Variants in ADGRD1 observed in about 807,000 individuals in gnomAD.
ADGRD1 encodes adhesion G protein-coupled receptor D1.
A neutral mutation model predicts 113.4 loss-of-function variants in ADGRD1; 77 were observed. The ratio of observed to expected loss-of-function variants is 0.68; its 90% CI spans 0.57 to 0.82. ADGRD1 has a LOEUF of 0.82. Ranked by LOEUF, ADGRD1 falls within the 40% of genes least tolerant of loss-of-function variation. ADGRD1 has a pLI of 0.00. For synonymous variants in ADGRD1, 474 were observed against 475.0 expected (o/e 1.00, Z 0.03); for missense variants, 1,036 against 1,139.1 (o/e 0.91, Z 1.30).
Position 131,003,810 on chromosome 12 carries a change from T to A in ADGRD1, c.1145-376T>A, listed in dbSNP as rs1876710743. 6.6e-6 allele frequency among the ~76,000 whole-genome samples: 1 copy of A among 152,212 alleles called. No homozygotes were observed. The highest frequency in any genetic ancestry group is 2.4e-5 in the African/African-American group (1 of 41,458). On this transcript the variant is annotated intron_variant, in intron 10 of 24. Transcript: ENST00000261654. This position sits in a 1 kb window ranked among gnomAD's most constrained non-coding sequence, Gnocchi z 4.8. ...GCTGAAGCTACAGGGGTTAGTTTAG[T>A]CGCAGTTTGTTGGCCGTGTTGCCCT...
At chr12:130,967,768 G>A (rs976748071) in intron 3 of ADGRD1, 8 of 152,290 alleles carry the variant, frequency 5.3e-5, no homozygotes, top group Admixed American at 1.3e-4. Context: ...GGGCACCTGC[G>A]TGGGTGCCAC....
Position 131,084,111 on chromosome 12 carries a change from C to T in ADGRD1, c.1548-429C>T, listed in dbSNP as rs995769974. The stretch of plus-strand genomic sequence containing the variant: ...CCACACTGCACTCACCCGTTTCCCC[C>T]GATGGGCATTTATGTTACCGTCACT... On this transcript the variant is annotated intron_variant, in intron 14 of 24. Coordinates refer to ENST00000261654, the MANE Select transcript of ADGRD1 (RefSeq NM_198827.5). This position sits in a 1 kb window ranked among gnomAD's most constrained non-coding sequence, Gnocchi z 4.5. Among the ~76,000 whole-genome samples, 10 of 152,164 alleles carry T rather than the reference C, an allele frequency of 6.6e-5. No individual in the cohort carries two copies. Among genetic ancestry groups the T allele is most frequent in the African/African-American group, 2.2e-4 (9 of 41,436 alleles).
At chr12:131,127,433 A>C (rs556501466) in intron 20 of ADGRD1, among the ~76,000 whole-genome samples, 1 of 152,388 alleles carries the variant, frequency 6.6e-6, no homozygotes, top group South Asian at 2.1e-4. Flanking sequence ...CTCCAGAGGC[A>C]AAGCAGGAGT....
rs1163112574 is a variant in ADGRD1, at chr12:131,084,863, G to A, written c.1671+200G>A. On this transcript the variant is annotated intron_variant, in intron 15 of 24. Coordinates refer to ENST00000261654, the MANE Select transcript of ADGRD1 (RefSeq NM_198827.5). This position sits in a 1 kb window ranked among gnomAD's most constrained non-coding sequence, Gnocchi z 4.5. Reference sequence around the variant, plus strand: ...ATGTATTGGGTGCCAGCAAATATCCGAGGAGCCCATGATTGTGTAAATCGA... The same window carrying A: ...ATGTATTGGGTGCCAGCAAATATCCAAGGAGCCCATGATTGTGTAAATCGA... 3.3e-5 allele frequency among the ~76,000 whole-genome samples: 5 copies of A among 152,170 alleles called. No individual in the cohort carries two copies. Among genetic ancestry groups the A allele is most frequent in the African/African-American group, 9.7e-5 (4 of 41,434 alleles).
chr12:131,111,732 C>T (rs902532001), intron 18 of ADGRD1, among the ~76,000 whole-genome samples: 3 of 151,920 alleles, frequency 2.0e-5, no homozygotes, highest in African/African-American at 7.3e-5. Context: ...TTTAAAATTT[C>T]AGTTATTATA....
chr12:131,033,435 TGCGGCCTTCCTTCCC>T (rs773218667), intron 13 of ADGRD1, among the ~76,000 whole-genome samples: 1 of 152,222 alleles, frequency 6.6e-6, no homozygotes, highest in Non-Finnish European at 1.5e-5. Flanking sequence ...GGCGTCCACA[TGCGGCCTTCCTTCCC>T]GCTCAGAGCG....
intron 18 of ADGRD1, among the ~76,000 whole-genome samples, chr12:131,116,667 C>G (rs1950472022): frequency 6.6e-6 from 1 of 152,216 alleles, no homozygotes; most frequent in African/African-American, 2.4e-5. Context: ...ACTTCCATCC[C>G]CCACCCTGCT....
chr12:131,002,201 A>C (rs1409281051), intron 9 of ADGRD1, among the ~76,000 whole-genome samples: 1 of 152,214 alleles, frequency 6.6e-6, no homozygotes, highest in Non-Finnish European at 1.5e-5. Flanking sequence ...ACTGCTTTTG[A>C]ATGCAAAATA....
intron 5 of ADGRD1, among the ~76,000 whole-genome samples, chr12:130,986,465 G>C (rs943916863): frequency 6.6e-6 from 1 of 152,178 alleles, no homozygotes; most frequent in African/African-American, 2.4e-5. Flanking sequence ...GTTGCTGGCA[G>C]ATGGGGAGCA....
At chr12:131,120,554 G>A (rs1354123885) in intron 19 of ADGRD1, 4 of 500,718 alleles carry the variant, frequency 8.0e-6, no homozygotes, top group Admixed American at 3.3e-5. Flanking sequence ...CTGCAGGAAA[G>A]CCAGTCCCCA....
In ADGRD1 at chr12:131,041,837, C is replaced by G. The variant is rs1266657154; in HGVS notation, c.1473+27497C>G. On this transcript the variant is annotated intron_variant, in intron 13 of 24. Coordinates refer to ENST00000261654, the MANE Select transcript of ADGRD1 (RefSeq NM_198827.5). This position sits in a 1 kb window ranked among gnomAD's most constrained non-coding sequence, Gnocchi z 4.4. ...TCTTTGCCCACGTCACATTCCCTCCCCACGGTCCTCCTTTCCTGGGTTATT... is the reference window on the plus strand; with the variant it reads ...TCTTTGCCCACGTCACATTCCCTCCGCACGGTCCTCCTTTCCTGGGTTATT... Among the ~76,000 whole-genome samples the G allele has an allele frequency of 6.6e-6, 1 of 152,228 alleles. No homozygotes were observed. The highest frequency in any genetic ancestry group is 1.5e-5 in the Non-Finnish European group (1 of 68,024).
intron 11 of ADGRD1, among the ~76,000 whole-genome samples, chr12:131,004,662 C>A (rs1876866242): frequency 6.6e-6 from 1 of 152,206 alleles, no homozygotes; most frequent in Admixed American, 6.5e-5. Flanking sequence ...TAAATCGGCA[C>A]ACACCTGGTC....
intron 19 of ADGRD1, 109 bp from the exon 20 acceptor site, chr12:131,120,738 G>A: frequency 9.9e-7 from 1 of 1,006,882 alleles, no homozygotes; most frequent in Non-Finnish European, 1.6e-6. Context: ...ACTGCCCCAG[G>A]TGGACCCTGT....
At position 131,075,729 on chromosome 12, in the gene ADGRD1, G is replaced by A. The variant is rs1361183170; in HGVS notation, c.1474-1072G>A. Reference sequence around the variant, plus strand: ...CCTGGGAAAGGAGGGGCTTTTGGTCGAGGCCAGGATGGCGCTCATGAGGGG... The same window carrying A: ...CCTGGGAAAGGAGGGGCTTTTGGTCAAGGCCAGGATGGCGCTCATGAGGGG... On this transcript the variant is annotated intron_variant, in intron 13 of 24. Transcript: ENST00000261654. The surrounding 1 kb of genome is among the most constrained non-coding windows in gnomAD (Gnocchi z 5.3). Among the ~76,000 whole-genome samples, 1 of 152,168 alleles carries A rather than the reference G, an allele frequency of 6.6e-6. No individual in the cohort carries two copies. The highest frequency in any genetic ancestry group is 1.5e-5 in the Non-Finnish European group (1 of 68,030).
intron 4 of ADGRD1, chr12:130,980,554 C>T (rs369677871): frequency 4.2e-4 from 64 of 152,220 alleles, no homozygotes; most frequent in Admixed American, 3.2e-3. Context: ...CATGCCACCA[C>T]ACCCGGCCAA....
At chr12:131,110,246 C>G (rs1016749965) in intron 18 of ADGRD1, among the ~76,000 whole-genome samples, 2 of 152,094 alleles carry the variant, frequency 1.3e-5, no homozygotes, top group Non-Finnish European at 2.9e-5. Flanking sequence ...TCTTTGTTTT[C>G]TATATGTCTA....
chr12:131,091,264 T>G (rs1886888802), intron 15 of ADGRD1, among the ~76,000 whole-genome samples: 1 of 152,232 alleles, frequency 6.6e-6, no homozygotes, highest in Admixed American at 6.5e-5. Context: ...AGAATCTATG[T>G]CAGAGAATTA....
intron 17 of ADGRD1, among the ~76,000 whole-genome samples, chr12:131,108,306 A>C (rs565935241): frequency 6.6e-6 from 1 of 152,328 alleles, no homozygotes; most frequent in South Asian, 2.1e-4. Flanking sequence ...TCTGGGAGCC[A>C]CGTGGCTTCC....
At chr12:131,058,887 T>G (rs1239227881) in intron 13 of ADGRD1, among the ~76,000 whole-genome samples, 1 of 152,238 alleles carries the variant, frequency 6.6e-6, no homozygotes, top group African/African-American at 2.4e-5. Context: ...GCTGCTTGAA[T>G]CTGTGTGTTT....
Sources: allele counts gnomAD v4.1 joint callset (sites outside exome capture counted in the v4.1 genomes callset), GRCh38; gene constraint gnomAD v4.1.1; non-coding constraint Gnocchi (gnomAD v3.1); transcripts MANE v1.5; gene names NCBI Gene and HGNC (gene_info 2026-07-23, HGNC 2026-07-21).